The following ATAD2 variants were observed in gnomAD, a reference collection of about 807,000 sequenced individuals.
ATAD2 encodes the protein ATPase family AAA domain-containing protein 2.
In ATAD2, 62 loss-of-function variants were observed where a neutral mutation model predicts 168.9. The ratio of observed to expected loss-of-function variants is 0.37; its 90% CI spans 0.30 to 0.45. The LOEUF is 0.45. Among genes scored for constraint, ATAD2 ranks in the 20% least tolerant of loss-of-function variants. The pLI is 1.00. For synonymous variants in ATAD2, 613 were observed against 571.6 expected (o/e 1.07, Z -1.03); for missense variants, 1,419 against 1,667.8 (o/e 0.85, Z 2.60).
intron 1 of ATAD2, among the ~76,000 whole-genome samples, chr8:123,389,213 T>C (rs1829737738): frequency 6.8e-6 from 1 of 146,374 alleles, no homozygotes; most frequent in Admixed American, 6.9e-5. Context: ...CCTGACCTCC[T>C]GATCCGCCCG....
intron 9 of ATAD2, 127 bp from the exon 10 acceptor site, chr8:123,359,812 T>C (rs1342074598): frequency 6.2e-6 from 4 of 642,190 alleles, no homozygotes; most frequent in East Asian, 2.9e-5. Context: ...AATCTTAAGA[T>C]ATGTATTTTA....
intron 1 of ATAD2, among the ~76,000 whole-genome samples, chr8:123,389,631 C>A (rs905627215): frequency 6.6e-6 from 1 of 150,864 alleles, no homozygotes; most frequent in African/African-American, 2.5e-5. Flanking sequence ...CAGAGCAAGG[C>A]TCCGTCTCAA....
intron 1 of ATAD2, among the ~76,000 whole-genome samples, chr8:123,389,363 G>A (rs1314102576): frequency 6.8e-6 from 1 of 148,142 alleles, no homozygotes; most frequent in Non-Finnish European, 1.5e-5. Context: ...TGGTCGGCCG[G>A]GCGTGGTGGC....
chr8:123,375,214 A>G (rs1829269800), intron 2 of ATAD2, among the ~76,000 whole-genome samples: 1 of 152,202 alleles, frequency 6.6e-6, no homozygotes, highest in Non-Finnish European at 1.5e-5. Context: ...GAATGTAGGG[A>G]GAGGATTTTT....
At chr8:123,404,375 A>T (rs1813042295) in intron 1 of ATAD2, among the ~76,000 whole-genome samples, 1 of 152,104 alleles carries the variant, frequency 6.6e-6, no homozygotes, top group African/African-American at 2.4e-5. Flanking sequence ...GGTGTTGGCC[A>T]TGTTGCTTCC....
intron 2 of ATAD2, among the ~76,000 whole-genome samples, chr8:123,378,886 A>G (rs1829406626): frequency 6.6e-6 from 1 of 151,046 alleles, no homozygotes; most frequent in Non-Finnish European, 1.5e-5. Context: ...TGACCTCCCC[A>G]GCTCAAGTGA....
In ATAD2 at chr8:123,357,694, C is replaced by A. The variant is rs774512169; in HGVS notation, c.1425G>T (p.Leu475=). Residue 475 remains leucine (L), a synonymous_variant, in exon 12 of 28, where the codon CTG becomes CTT. Transcript: ENST00000287394. ...FYGPPGTGKT[L]VARALANECS... The stretch of plus-strand genomic sequence containing the variant: ...ACTCATTGGCAAGTGCTCTGGCAAC[C>A]AGAGTCTTTCCAGTTCCAGGTGGCC... 1 of 1,612,402 alleles carries A rather than the reference C, an allele frequency of 6.2e-7. No individual in the cohort carries two copies. The highest frequency in any genetic ancestry group is 1.1e-5 in the South Asian group (1 of 90,702).
chr8:123,354,599 T>C (rs1025364923), intron 13 of ATAD2, among the ~76,000 whole-genome samples: 8 of 151,518 alleles, frequency 5.3e-5, no homozygotes, highest in Non-Finnish European at 1.2e-4. Context: ...CCCAGCACTC[T>C]GGGAGGCTGA....
At chr8:123,410,234 T>C (rs1247456405) in intron 1 of ATAD2, among the ~76,000 whole-genome samples, 1 of 152,176 alleles carries the variant, frequency 6.6e-6, no homozygotes, top group African/African-American at 2.4e-5. Context: ...CATCTCCTAC[T>C]CTTCTGAAAC....
intron 6 of ATAD2, among the ~76,000 whole-genome samples, chr8:123,370,231 C>T (rs1209404645): frequency 1.3e-5 from 2 of 150,766 alleles, no homozygotes; most frequent in South Asian, 4.2e-4. Context: ...TAAAAAACTG[C>T]AGAAAAACAC....
At chr8:123,373,180 C>A (rs574461902) in intron 2 of ATAD2, among the ~76,000 whole-genome samples, 1 of 151,892 alleles carries the variant, frequency 6.6e-6, no homozygotes, top group South Asian at 2.1e-4. Flanking sequence ...GCTTGAGGCA[C>A]CACGCCTGGC....
chr8:123,344,563 G>T, intron 19 of ATAD2: 1 of 260,182 alleles, frequency 3.8e-6, no homozygotes, highest in Non-Finnish European at 7.6e-6. Context: ...TAGCCAGGAT[G>T]GTCTCAATCT....
intron 1 of ATAD2, among the ~76,000 whole-genome samples, chr8:123,394,179 C>T (rs534791377): frequency 7.2e-5 from 11 of 152,056 alleles, no homozygotes; most frequent in African/African-American, 2.7e-4. Flanking sequence ...TAACCATATG[C>T]TAACTGTTCA....
upstream of ATAD2, chr8:123,400,657 G>A (rs1361554197): frequency 5.7e-6 from 4 of 705,566 alleles, no homozygotes; most frequent in Admixed American, 1.8e-5. This position sits in a 1 kb window ranked among gnomAD's most constrained non-coding sequence, Gnocchi z 4.5. Context: ...CGCCAGAGCC[G>A]ACAGCCTCAC....
chr8:123,338,929 C>A (rs1184292115), intron 20 of ATAD2, among the ~76,000 whole-genome samples: 1 of 151,994 alleles, frequency 6.6e-6, no homozygotes, highest in South Asian at 2.1e-4. Context: ...GTTCTTTAGA[C>A]AGAGATGGGG....
chr8:123,354,870 T>A (rs376188815), intron 13 of ATAD2, among the ~76,000 whole-genome samples: 1,297 of 97,908 alleles, frequency 0.013, 16 homozygotes, highest in Non-Finnish European at 0.017. Flanking sequence ...AAAAAATATA[T>A]ATATATATAT....
intron 9 of ATAD2, 138 bp from the exon 10 acceptor site, chr8:123,359,823 A>G: frequency 1.6e-6 from 1 of 607,970 alleles, no homozygotes; most frequent in East Asian, 2.9e-5. Context: ...ATGTATTTTA[A>G]TTTCCTCATT....
intron 18 of ATAD2, 32 bp from the exon 19 acceptor site, chr8:123,345,101 A>C: frequency 6.4e-7 from 1 of 1,553,072 alleles, no homozygotes. Flanking sequence ...AAATTCAGTT[A>C]GAGTCAGCAC....
intron 9 of ATAD2, among the ~76,000 whole-genome samples, chr8:123,360,954 T>A (rs199604776): frequency 3.6e-5 from 5 of 139,600 alleles, no homozygotes; most frequent in East Asian, 2.1e-4. Context: ...AAAAAAAAAA[T>A]ACATGAAAAG....
Sources: allele counts gnomAD v4.1 joint callset (sites outside exome capture counted in the v4.1 genomes callset), GRCh38; gene constraint gnomAD v4.1.1; non-coding constraint Gnocchi (gnomAD v3.1); transcripts MANE v1.5; gene names NCBI Gene and HGNC (gene_info 2026-07-23, HGNC 2026-07-21).